Variants in THSD7A observed in about 807,000 individuals in gnomAD.
THSD7A encodes thrombospondin type 1 domain containing 7A, also known as thrombospondin type-1 domain-containing protein 7A.
A neutral mutation model predicts 231.3 loss-of-function variants in THSD7A; 96 were observed. That is an observed-to-expected ratio of 0.41 (90% confidence interval 0.35 to 0.49). The LOEUF (loss-of-function observed/expected upper bound fraction) is 0.49. Ranked by LOEUF, THSD7A falls within the 20% of genes least tolerant of loss-of-function variation. THSD7A has a pLI of 0.05. For synonymous variants in THSD7A, 940 were observed against 743.3 expected (o/e 1.26, Z -4.30); for missense variants, 2,290 against 2,070.2 (o/e 1.11, Z -2.06).
At chr7:11,672,967 A>G (rs563967594) in intron 1 of THSD7A, among the ~76,000 whole-genome samples, 7 of 152,338 alleles carry the variant, frequency 4.6e-5, no homozygotes, top group Non-Finnish European at 8.8e-5. Flanking sequence ...AATATTTAAC[A>G]TAAGGTTTCT....
At chr7:11,735,086 G>A (rs185963961) in intron 1 of THSD7A, among the ~76,000 whole-genome samples, 15 of 151,924 alleles carry the variant, frequency 9.9e-5, no homozygotes, top group Admixed American at 6.6e-4. Context: ...CTAACTTCTA[G>A]TTGATTATAT....
At chr7:11,815,083 C>A (rs1406033032) in intron 1 of THSD7A, among the ~76,000 whole-genome samples, 12 of 147,346 alleles carry the variant, frequency 8.1e-5, no homozygotes, top group African/African-American at 1.3e-4. Context: ...CCCTAAAACT[C>A]AAAAAAAAAA....
chr7:11,662,404 G>A (rs113010451), intron 1 of THSD7A, among the ~76,000 whole-genome samples: 4 of 151,328 alleles, frequency 2.6e-5, no homozygotes, highest in African/African-American at 7.2e-5. Flanking sequence ...GATCTCAAAC[G>A]TATTTTAAAA....
rs58270445 is a variant in THSD7A, at chr7:11,500,945, GA to G, written c.1823-18964del. Among the ~76,000 whole-genome samples, 182 of 120,556 alleles carry G rather than the reference GA, an allele frequency of 1.5e-3. 1 individual carries two copies. Among genetic ancestry groups the G allele is most frequent in the African/African-American group, 4.5e-3 (137 of 30,180 alleles). The allele number at this position is 120,556 out of a possible 152,430, so 79.1% of individuals were successfully genotyped here. A position where few individuals can be genotyped will look rare whatever the true frequency, so the allele number is the denominator to read the frequency against. On this transcript the variant is annotated intron_variant, in intron 6 of 27. Coordinates refer to ENST00000423059, the MANE Select transcript of THSD7A (RefSeq NM_015204.3). The stretch of plus-strand genomic sequence containing the variant: ...TGAAACTCTGTCTCAAAAAAAGAAA[GA>G]AAAAAAAAAAGAAAAAAAGGAGTTG...
intron 1 of THSD7A, among the ~76,000 whole-genome samples, chr7:11,683,758 T>TA (rs1423874374): frequency 6.6e-6 from 1 of 151,934 alleles, no homozygotes; most frequent in Admixed American, 6.6e-5. Context: ...AAAAGCCCTG[T>TA]ACCAGATGAA....
chr7:11,541,692 T>C, intron 5 of THSD7A, 61 bp from the exon 6 acceptor site: 4 of 1,489,698 alleles, frequency 2.7e-6, no homozygotes, highest in Non-Finnish European at 3.7e-6. Context: ...TTTCAGAAAG[T>C]TGAATAAAAC....
chr7:11,607,999 A>G (rs1294692234), intron 2 of THSD7A, among the ~76,000 whole-genome samples: 1 of 152,076 alleles, frequency 6.6e-6, no homozygotes, highest in African/African-American at 2.4e-5. Flanking sequence ...GCCTCCCTGA[A>G]AGAGCCAGTA....
At chr7:11,719,572 G>A (rs1250148767) in intron 1 of THSD7A, among the ~76,000 whole-genome samples, 1 of 151,408 alleles carries the variant, frequency 6.6e-6, no homozygotes, top group Non-Finnish European at 1.5e-5. Context: ...GCAACACATG[G>A]ATCGCTCGGT....
At chr7:11,482,504 T>G (rs562933852) in intron 6 of THSD7A, among the ~76,000 whole-genome samples, 1 of 152,322 alleles carries the variant, frequency 6.6e-6, no homozygotes, top group Middle Eastern at 3.4e-3. Context: ...AAAAAATTGT[T>G]TGTTAGTTGG....
intron 3 of THSD7A, among the ~76,000 whole-genome samples, chr7:11,592,772 T>A (rs900581418): frequency 6.6e-6 from 1 of 152,318 alleles, no homozygotes; most frequent in African/African-American, 2.4e-5. Context: ...TTTTAATAGT[T>A]AACGATAATC....
intron 9 of THSD7A, among the ~76,000 whole-genome samples, chr7:11,466,455 T>A (rs1785708192): frequency 6.6e-6 from 1 of 152,126 alleles, no homozygotes; most frequent in Non-Finnish European, 1.5e-5. Flanking sequence ...GTTACAGCAG[T>A]CTACAGGCAA....
intron 1 of THSD7A, among the ~76,000 whole-genome samples, chr7:11,725,146 C>T (rs12699255): frequency 0.29 from 43,683 of 151,776 alleles, 7,558 homozygotes; most frequent in Admixed American, 0.4. Context: ...TAGCATTTCT[C>T]TGCTCTTTTA....
At chr7:11,812,939 A>G (rs1784575455) in intron 1 of THSD7A, among the ~76,000 whole-genome samples, 1 of 152,190 alleles carries the variant, frequency 6.6e-6, no homozygotes, top group Admixed American at 6.5e-5. Context: ...TTAATGAAGA[A>G]ATCGTGAGAA....
At chr7:11,483,377 C>T (rs1432958804) in intron 6 of THSD7A, among the ~76,000 whole-genome samples, 5 of 152,066 alleles carry the variant, frequency 3.3e-5, no homozygotes, top group African/African-American at 1.2e-4. Context: ...CATTGCAAGG[C>T]CTTAAATCAT....
chr7:11,630,067 T>C (rs1781600145), intron 2 of THSD7A, among the ~76,000 whole-genome samples: 1 of 152,190 alleles, frequency 6.6e-6, no homozygotes, highest in African/African-American at 2.4e-5. Context: ...TATCCATTAC[T>C]GAAATTCCAT....
intron 6 of THSD7A, among the ~76,000 whole-genome samples, chr7:11,530,397 T>G (rs1020404455): frequency 2.0e-5 from 3 of 152,168 alleles, no homozygotes; most frequent in African/African-American, 7.2e-5. Context: ...CTTGAAAATA[T>G]GTGATGTTTA....
chr7:11,780,863 C>T (rs980714294), intron 1 of THSD7A, among the ~76,000 whole-genome samples: 26 of 150,588 alleles, frequency 1.7e-4, no homozygotes, highest in African/African-American at 4.1e-4. Context: ...CGGTGGCGGG[C>T]GCCTGTAGTC....
chr7:11,748,571 C>G (rs951726140), intron 1 of THSD7A, among the ~76,000 whole-genome samples: 13 of 151,954 alleles, frequency 8.6e-5, no homozygotes, highest in East Asian at 5.8e-4. Flanking sequence ...CTAAAATACC[C>G]TCAGAACAAA....
chr7:11,525,174 T>C (rs920327429), intron 6 of THSD7A, among the ~76,000 whole-genome samples: 2 of 152,208 alleles, frequency 1.3e-5, no homozygotes, highest in South Asian at 2.1e-4. Context: ...AGCCTTGCTT[T>C]ATGACTCAGA....
Sources: gnomAD v4.1 joint callset for allele counts (sites outside exome capture counted in the v4.1 genomes callset) on GRCh38, gnomAD v4.1.1 for gene constraint, MANE v1.5 for transcripts, NCBI Gene and HGNC (gene_info 2026-07-23, HGNC 2026-07-21) for gene names.